The following NLK variants were observed in gnomAD, a reference collection of about 807,000 sequenced individuals.
NLK encodes the protein serine/threonine-protein kinase NLK.
Under a neutral mutation model 59.0 loss-of-function variants are expected in NLK, and 11 were observed. That is an observed-to-expected ratio of 0.19 (90% confidence interval 0.12 to 0.31). The LOEUF is 0.31. NLK is among the 10% of genes least tolerant of loss of function. NLK has a pLI of 1.00. For missense variants in NLK, 410 were observed against 661.1 expected (o/e 0.62, Z 4.16); for synonymous variants, 235 against 235.9 (o/e 1.00, Z 0.03).
intron 7 of NLK, among the ~76,000 whole-genome samples, chr17:28,175,703 G>T (rs1908650865): frequency 6.6e-6 from 1 of 152,176 alleles, no homozygotes; most frequent in Non-Finnish European, 1.5e-5. Context: ...GCTAATGCAT[G>T]TAAGGAGAAC....
At chr17:28,168,302 C>T (rs959189354) in intron 5 of NLK, 146 bp from the exon 6 acceptor site, 5 of 619,228 alleles carry the variant, frequency 8.1e-6, no homozygotes, top group Middle Eastern at 4.4e-4. Flanking sequence ...TGCCACTGCA[C>T]TCCAGCCTGG....
intron 1 of NLK, among the ~76,000 whole-genome samples, chr17:28,103,426 A>C (rs1278519072): frequency 6.6e-6 from 1 of 152,208 alleles, no homozygotes; most frequent in Non-Finnish European, 1.5e-5. Context: ...GTATTCATCC[A>C]TATATATTTG....
intron 7 of NLK, among the ~76,000 whole-genome samples, chr17:28,179,875 T>G (rs1043784533): frequency 8.3e-5 from 12 of 144,264 alleles, no homozygotes; most frequent in Non-Finnish European, 1.5e-4. Flanking sequence ...ATTCTTGGTT[T>G]TTTTTTTTTT....
At chr17:28,105,664 CA>C in intron 1 of NLK, among the ~76,000 whole-genome samples, 1 of 152,326 alleles carries the variant, frequency 6.6e-6, no homozygotes, top group African/African-American at 2.4e-5. Flanking sequence ...TTCTTTCCCC[CA>C]CCCCTTCTTA....
intron 3 of NLK, among the ~76,000 whole-genome samples, chr17:28,146,597 C>G (rs192943109): frequency 1.9e-3 from 288 of 152,300 alleles, no homozygotes; most frequent in African/African-American, 6.7e-3. Context: ...GTGGCAGAGT[C>G]AAGATTCTAA....
At chr17:28,121,687 C>T (rs936277510) in intron 1 of NLK, among the ~76,000 whole-genome samples, 35 of 151,262 alleles carry the variant, frequency 2.3e-4, no homozygotes, top group African/African-American at 7.0e-4. Flanking sequence ...TTGGTAGAGA[C>T]GGGGTTTCAC....
intron 1 of NLK, chr17:28,062,203 T>C (rs1349330137): frequency 1.3e-5 from 2 of 152,168 alleles, no homozygotes; most frequent in Non-Finnish European, 2.9e-5. Context: ...GGCATTTTTC[T>C]GAGGATGTCT....
At chr17:28,098,872 G>T (rs1200911434) in intron 1 of NLK, among the ~76,000 whole-genome samples, 5 of 151,694 alleles carry the variant, frequency 3.3e-5, no homozygotes, top group Non-Finnish European at 5.9e-5. Flanking sequence ...AGTAGAGACG[G>T]GGTTTCTGCA....
At chr17:28,197,323 GC>G (rs1396784929), downstream of NLK, among the ~76,000 whole-genome samples, 1 of 152,026 alleles carries the variant, frequency 6.6e-6, no homozygotes, top group Non-Finnish European at 1.5e-5. Flanking sequence ...ATAAAAATTA[GC>G]CAGGCATGGT....
intron 3 of NLK, among the ~76,000 whole-genome samples, chr17:28,157,602 C>T (rs1907824618): frequency 6.6e-6 from 1 of 151,918 alleles, no homozygotes; most frequent in Non-Finnish European, 1.5e-5. Flanking sequence ...GCTGGGGTTA[C>T]AGGCATGAGC....
At chr17:28,129,598 A>G (rs573803928) in intron 2 of NLK, among the ~76,000 whole-genome samples, 1 of 152,282 alleles carries the variant, frequency 6.6e-6, no homozygotes, top group African/African-American at 2.4e-5. Context: ...AATAATAATG[A>G]TATAGTCTCT....
At chr17:28,109,637 T>G (rs1905377844) in intron 1 of NLK, among the ~76,000 whole-genome samples, 1 of 152,230 alleles carries the variant, frequency 6.6e-6, no homozygotes, top group Non-Finnish European at 1.5e-5. Flanking sequence ...TTTGGCTTCT[T>G]TCACTTAGCA....
At chr17:28,089,127 T>C (rs1004828314) in intron 1 of NLK, among the ~76,000 whole-genome samples, 1 of 152,160 alleles carries the variant, frequency 6.6e-6, no homozygotes, top group Non-Finnish European at 1.5e-5. Context: ...AATCATATGG[T>C]TTGGTAAGTT....
At chr17:28,122,039 C>T (rs1054644976) in intron 1 of NLK, among the ~76,000 whole-genome samples, 3 of 152,118 alleles carry the variant, frequency 2.0e-5, no homozygotes, top group Non-Finnish European at 4.4e-5. Flanking sequence ...TATCATTACT[C>T]GGGAGCTACA....
At chr17:28,078,831 C>G (rs996357165) in intron 1 of NLK, among the ~76,000 whole-genome samples, 1 of 151,736 alleles carries the variant, frequency 6.6e-6, no homozygotes, top group Non-Finnish European at 1.5e-5. Context: ...ATTAAAGGAC[C>G]CTTAAAAAAA....
intron 1 of NLK, among the ~76,000 whole-genome samples, chr17:28,064,707 C>G (rs1597660370): frequency 6.6e-6 from 1 of 152,184 alleles, no homozygotes; most frequent in Admixed American, 6.5e-5. Context: ...TTAAACAAAT[C>G]ATTTTAAATG....
chr17:28,164,613 T>C (rs1432054444), intron 5 of NLK, among the ~76,000 whole-genome samples: 2 of 152,206 alleles, frequency 1.3e-5, no homozygotes, highest in Admixed American at 1.3e-4. Flanking sequence ...TCCACATATT[T>C]GTATTTCCCT....
At chr17:28,171,295 T>C (rs1908454186) in intron 6 of NLK, 1 of 152,206 alleles carries the variant, frequency 6.6e-6, no homozygotes, top group Non-Finnish European at 1.5e-5. Flanking sequence ...CAGAAAATAG[T>C]GCTTTATATT....
chr17:28,197,893 G>T (rs1329718311), downstream of NLK, among the ~76,000 whole-genome samples: 2 of 152,048 alleles, frequency 1.3e-5, no homozygotes, highest in African/African-American at 4.8e-5. Context: ...AGTTCTAAAG[G>T]GGACTGACTT....
Sources: allele counts gnomAD v4.1 joint callset (sites outside exome capture counted in the v4.1 genomes callset), GRCh38; gene constraint gnomAD v4.1.1; transcripts MANE v1.5; gene names NCBI Gene and HGNC (gene_info 2026-07-23, HGNC 2026-07-21).